The following EYS variants were observed in gnomAD, a reference collection of about 807,000 sequenced individuals.
EYS encodes EGF-like photoreceptor maintenance factor.
A neutral mutation model predicts 282.1 loss-of-function variants in EYS; 250 were observed. The observed-to-expected ratio is 0.89, with a 90% confidence interval of 0.80 to 0.98. The LOEUF is 0.98. Ranked by LOEUF, EYS falls within the 50% of genes least tolerant of loss-of-function variation. The pLI, the probability that EYS is intolerant of heterozygous loss-of-function variation, is 0.00. For missense variants in EYS, 4,016 were observed against 3,709.0 expected, an observed-to-expected ratio of 1.08 and a Z score of -2.15; for synonymous variants, 1,355 against 1,282.9, an observed-to-expected ratio of 1.06 and a Z score of -1.20.
chr6:65,372,802 T>C (rs1015720555), intron 8 of EYS, among the ~76,000 whole-genome samples: 9 of 152,000 alleles, frequency 5.9e-5, no homozygotes, highest in African/African-American at 1.9e-4. Flanking sequence ...AATAGAGAAA[T>C]TTAACTCATA....
At chr6:65,050,694 C>A (rs1452514645) in intron 13 of EYS, among the ~76,000 whole-genome samples, 2 of 151,522 alleles carry the variant, frequency 1.3e-5, no homozygotes, top group Non-Finnish European at 3.0e-5. Context: ...ATCTGTAGAT[C>A]CCCATTGTAG....
intron 30 of EYS, among the ~76,000 whole-genome samples, chr6:64,259,526 C>T (rs1193174589): frequency 6.6e-6 from 1 of 151,970 alleles, no homozygotes; most frequent in Non-Finnish European, 1.5e-5. Flanking sequence ...GATCCTGCCC[C>T]TCCGTCCCAG....
At chr6:64,744,214 C>T (rs1164768181) in intron 22 of EYS, among the ~76,000 whole-genome samples, 2 of 152,076 alleles carry the variant, frequency 1.3e-5, no homozygotes, top group African/African-American at 4.8e-5. Context: ...TGAATCAATT[C>T]TAGTTGGTAA....
intron 35 of EYS, among the ~76,000 whole-genome samples, chr6:63,961,311 C>T (rs1303907248): frequency 6.6e-6 from 1 of 152,170 alleles, no homozygotes; most frequent in Non-Finnish European, 1.5e-5. Context: ...CAGTTCCTGC[C>T]TTAACTGATG....
chr6:64,773,958 G>GT (rs1453207017), intron 22 of EYS, among the ~76,000 whole-genome samples: 1 of 151,828 alleles, frequency 6.6e-6, no homozygotes, highest in Non-Finnish European at 1.5e-5. Context: ...GTCAACTTTT[G>GT]TTTTTGTTGA....
intron 28 of EYS, among the ~76,000 whole-genome samples, chr6:64,420,752 A>G (rs1032757140): frequency 1.3e-5 from 2 of 152,148 alleles, no homozygotes; most frequent in Non-Finnish European, 2.9e-5. Flanking sequence ...TAGGGACAAA[A>G]TGCTGCCAGT....
At chr6:64,053,136 G>A (rs1770870157) in intron 33 of EYS, among the ~76,000 whole-genome samples, 2 of 150,710 alleles carry the variant, frequency 1.3e-5, no homozygotes, top group South Asian at 4.2e-4. Flanking sequence ...CCCTTTTTTT[G>A]AAATTCCAGA....
chr6:65,269,868 C>T (rs762929890), intron 12 of EYS, among the ~76,000 whole-genome samples: 2 of 152,118 alleles, frequency 1.3e-5, no homozygotes, highest in African/African-American at 2.4e-5. Context: ...AGAGACCCTA[C>T]CTCCAAATAT....
intron 2 of EYS, among the ~76,000 whole-genome samples, chr6:65,572,369 A>G (rs1764507915): frequency 6.6e-6 from 1 of 152,180 alleles, no homozygotes; most frequent in African/African-American, 2.4e-5. Context: ...TTCTTTAAAA[A>G]GGCACAGAAG....
intron 12 of EYS, among the ~76,000 whole-genome samples, chr6:65,294,113 A>T (rs555909497): frequency 6.6e-6 from 1 of 151,868 alleles, no homozygotes; most frequent in South Asian, 2.1e-4. Flanking sequence ...GAAGAATTCA[A>T]GATGAAGGGA....
chr6:65,034,311 T>C (rs1034088982), intron 13 of EYS, among the ~76,000 whole-genome samples: 7 of 152,160 alleles, frequency 4.6e-5, no homozygotes, highest in Middle Eastern at 3.2e-3. Context: ...GTGGGATTAC[T>C]GGGAAGGATG....
chr6:65,677,108 A>G (rs1377014017), intron 1 of EYS, among the ~76,000 whole-genome samples: 1 of 7,492 alleles, frequency 1.3e-4, no homozygotes, highest in African/African-American at 2.7e-4. Context: ...CATTGGTGAA[A>G]AAAAAAAAAA....
intron 26 of EYS, among the ~76,000 whole-genome samples, chr6:64,553,503 GT>G (rs1765149356): frequency 1.5e-5 from 2 of 130,912 alleles, no homozygotes; most frequent in Non-Finnish European, 3.2e-5. Context: ...TCCTTTAACA[GT>G]TTTAGAAATG....
intron 11 of EYS, 152 bp downstream of exon 11, chr6:65,334,828 A>C: frequency 1.6e-6 from 1 of 626,304 alleles, no homozygotes; most frequent in Non-Finnish European, 2.7e-6. Context: ...ATAATATATA[A>C]TAACTATATA....
chr6:64,296,887 G>A (rs1425632154), intron 30 of EYS, among the ~76,000 whole-genome samples: 5 of 152,114 alleles, frequency 3.3e-5, no homozygotes, highest in Non-Finnish European at 7.3e-5. Flanking sequence ...TTACAGGCAT[G>A]AGCCACCACG....
chr6:64,048,511 G>A (rs1562173777), intron 33 of EYS, among the ~76,000 whole-genome samples: 1 of 152,048 alleles, frequency 6.6e-6, no homozygotes, highest in African/African-American at 2.4e-5. Context: ...AGAAACCTTG[G>A]TCATGGGAAA....
intron 22 of EYS, among the ~76,000 whole-genome samples, chr6:64,762,987 A>C (rs1182895089): frequency 6.6e-6 from 1 of 152,220 alleles, no homozygotes; most frequent in Non-Finnish European, 1.5e-5. Context: ...AGTTATTGAA[A>C]GTAACTTGCT....
intron 30 of EYS, among the ~76,000 whole-genome samples, chr6:64,275,430 C>A (rs1768076330): frequency 6.6e-6 from 1 of 150,398 alleles, no homozygotes; most frequent in African/African-American, 2.5e-5. Context: ...ATTACAAATG[C>A]ACACTTATCA....
At chr6:65,536,073 A>C (rs941067853) in intron 2 of EYS, among the ~76,000 whole-genome samples, 1 of 152,158 alleles carries the variant, frequency 6.6e-6, no homozygotes, top group Non-Finnish European at 1.5e-5. Context: ...TTTACTTCAG[A>C]TACATTTAAT....
Sources: allele counts gnomAD v4.1 joint callset (sites outside exome capture counted in the v4.1 genomes callset), GRCh38; gene constraint gnomAD v4.1.1; transcripts MANE v1.5; gene names NCBI Gene and HGNC (gene_info 2026-07-23, HGNC 2026-07-21).